Variants in HS3ST4 observed in about 807,000 individuals in gnomAD.
The protein encoded by HS3ST4 is heparan sulfate-glucosamine 3-sulfotransferase 4, also known as heparan sulfate glucosamine 3-O-sulfotransferase 4.
HS3ST4 carries 17 observed loss-of-function variants against 29.2 expected under a neutral mutation model. The observed-to-expected ratio is 0.58, with a 90% CI of 0.40 to 0.87. HS3ST4 has a LOEUF of 0.87. HS3ST4 is among the 40% of genes least tolerant of loss of function. The pLI is 0.00. For synonymous variants in HS3ST4, 314 were observed against 285.7 expected, an observed-to-expected ratio of 1.10 and a Z score of -1.00; for missense variants, 627 against 634.5, an observed-to-expected ratio of 0.99 and a Z score of 0.13.
At chr16:25,730,610 T>A (rs1307745581) in intron 1 of HS3ST4, among the ~76,000 whole-genome samples, 2 of 136,166 alleles carry the variant, frequency 1.5e-5, no homozygotes, top group Non-Finnish European at 3.1e-5. Context: ...CCTTCTTTCC[T>A]TCTCTTTTCC....
At chr16:25,733,523 G>A (rs1966586501) in intron 1 of HS3ST4, among the ~76,000 whole-genome samples, 1 of 152,144 alleles carries the variant, frequency 6.6e-6, no homozygotes, top group Non-Finnish European at 1.5e-5. Flanking sequence ...CAGAAGGAAG[G>A]AACATGAGAG....
Position 25,783,359 on chromosome 16 carries a change from A to G in HS3ST4, c.734+90208A>G, listed in dbSNP as rs567452220. ...CTCTAGTTTTTGCAGTTAGAACCAC[A>G]GGGGTTTAACTTCCCTGCCCTCTGT... On this transcript the variant is annotated intron_variant, in intron 1 of 1. Coordinates refer to ENST00000331351, the MANE Select transcript of HS3ST4 (RefSeq NM_006040.3). Among the ~76,000 whole-genome samples, 26 of 152,328 alleles carry G rather than the reference A, an allele frequency of 1.7e-4. No homozygotes were observed. The East Asian group carries it at 4.8e-3, about 28-fold the overall frequency.
intron 1 of HS3ST4, among the ~76,000 whole-genome samples, chr16:25,939,664 G>A (rs1362499495): frequency 6.6e-6 from 1 of 152,084 alleles, no homozygotes; most frequent in South Asian, 2.1e-4. Context: ...TAAACATCCT[G>A]TTTGTCAGCT....
intron 1 of HS3ST4, among the ~76,000 whole-genome samples, chr16:26,010,396 G>A (rs1159502831): frequency 1.3e-5 from 2 of 151,946 alleles, no homozygotes; most frequent in Admixed American, 6.6e-5. Flanking sequence ...AGAGGTTACG[G>A]TGAGCCGAGA....
intron 1 of HS3ST4, among the ~76,000 whole-genome samples, chr16:25,875,516 C>T: frequency 6.6e-6 from 1 of 152,114 alleles, no homozygotes; most frequent in East Asian, 1.9e-4. Context: ...CTAGCAATCC[C>T]TGGTCCATCA....
chr16:25,955,122 G>A lies in HS3ST4; in HGVS notation c.735-180490G>A, dbSNP rs181744471. Reference sequence around the variant, plus strand: ...GGAACAAGGTATTTCGGTAAACTCTGCTACATCCCTCCCTTGTCATTCAAA... The same window carrying A: ...GGAACAAGGTATTTCGGTAAACTCTACTACATCCCTCCCTTGTCATTCAAA... On this transcript the variant is annotated intron_variant, in intron 1 of 1. Transcript: ENST00000331351. Among the ~76,000 whole-genome samples, 26 of 152,228 alleles carry A rather than the reference G, an allele frequency of 1.7e-4. No homozygotes were observed. In the Middle Eastern group the frequency reaches 0.01, roughly 60 times the overall value.
intron 1 of HS3ST4, among the ~76,000 whole-genome samples, chr16:26,018,605 G>A (rs1242129358): frequency 3.9e-5 from 6 of 151,976 alleles, no homozygotes; most frequent in Non-Finnish European, 8.8e-5. Context: ...ATTTTTCCAG[G>A]TCAACAGAGT....
chr16:25,930,922 A>AAAAACAAAAAC (rs202229326), intron 1 of HS3ST4, among the ~76,000 whole-genome samples: 14 of 148,114 alleles, frequency 9.5e-5, no homozygotes, highest in African/African-American at 3.2e-4. Context: ...AAACAAAAAC[A>AAAAACAAAAAC]AAAAAAAAAC....
chr16:25,886,497 C>A (rs535905348), intron 1 of HS3ST4, among the ~76,000 whole-genome samples: 1 of 152,272 alleles, frequency 6.6e-6, no homozygotes, highest in Admixed American at 6.5e-5. Flanking sequence ...TATCATCAGT[C>A]CTGGCTTGAT....
intron 1 of HS3ST4, among the ~76,000 whole-genome samples, chr16:25,908,622 C>T (rs1463099012): frequency 1.3e-5 from 2 of 152,174 alleles, no homozygotes; most frequent in Non-Finnish European, 2.9e-5. Flanking sequence ...CAGGAATGAG[C>T]CAGGATGAGG....
intron 1 of HS3ST4, among the ~76,000 whole-genome samples, chr16:26,050,362 C>G (rs1346650948): frequency 1.3e-5 from 2 of 152,028 alleles, no homozygotes; most frequent in African/African-American, 2.4e-5. Context: ...TCCTCATACC[C>G]TGAAATCATC....
chr16:25,768,028 G>A (rs1047885720), intron 1 of HS3ST4, among the ~76,000 whole-genome samples: 1 of 152,148 alleles, frequency 6.6e-6, no homozygotes, highest in Non-Finnish European at 1.5e-5. Context: ...TAAAGCTTGA[G>A]CTTCCCATTT....
chr16:25,993,006 A>G (rs559921781), intron 1 of HS3ST4, among the ~76,000 whole-genome samples: 48 of 152,210 alleles, frequency 3.2e-4, no homozygotes, highest in Admixed American at 4.6e-4. Context: ...TTCATAGTGG[A>G]CTGCCACCAT....
Position 25,743,068 on chromosome 16 carries a change from G to A in HS3ST4, c.734+49917G>A, listed in dbSNP as rs1000009702. The stretch of plus-strand genomic sequence containing the variant: ...AGAAGTAAGTCCACGATACCCAGTT[G>A]CAACCTCAACATTCCAGAGAGTTAG... On this transcript the variant is annotated intron_variant, in intron 1 of 1. Transcript: ENST00000331351. Among the ~76,000 whole-genome samples the A allele has an allele frequency of 2.6e-5, 4 of 152,196 alleles. No individual in the cohort carries two copies. In the East Asian group the frequency reaches 7.7e-4, roughly 29 times the overall value.
chr16:26,047,787 G>A (rs532123688), intron 1 of HS3ST4, among the ~76,000 whole-genome samples: 1 of 152,294 alleles, frequency 6.6e-6, no homozygotes, highest in African/African-American at 2.4e-5. Context: ...ACTGGACCTT[G>A]GACTCAAGAA....
rs148296031 is a variant in HS3ST4 at position 26,079,512 on chromosome 16, T to C, written c.735-56100T>C. Among the ~76,000 whole-genome samples the C allele has an allele frequency of 1.6e-3, 239 of 152,346 alleles. 1 individual carries two copies. The highest frequency in any genetic ancestry group is 5.5e-3 in the African/African-American group (227 of 41,572). On this transcript the variant is annotated intron_variant, in intron 1 of 1. Coordinates refer to ENST00000331351, the MANE Select transcript of HS3ST4 (RefSeq NM_006040.3). ...GCAAACATTGATTGCATCCTTACTATTTATCAGGCACTTTGTATGCATTAT... is the reference window on the plus strand; with the variant it reads ...GCAAACATTGATTGCATCCTTACTACTTATCAGGCACTTTGTATGCATTAT...
chr16:26,066,153 C>T (rs1898539589), intron 1 of HS3ST4, among the ~76,000 whole-genome samples: 1 of 152,156 alleles, frequency 6.6e-6, no homozygotes. Context: ...CAATAGGAGA[C>T]TTGCTTTGTA....
At chr16:25,794,479 G>A (rs554719037) in intron 1 of HS3ST4, among the ~76,000 whole-genome samples, 7 of 150,690 alleles carry the variant, frequency 4.6e-5, no homozygotes, top group African/African-American at 9.7e-5. Context: ...TTTTTCACTA[G>A]CGAAAAATGT....
At chr16:25,935,715 C>T (rs1406698597) in intron 1 of HS3ST4, among the ~76,000 whole-genome samples, 1 of 152,118 alleles carries the variant, frequency 6.6e-6, no homozygotes, top group East Asian at 1.9e-4. Flanking sequence ...TATCCATTCA[C>T]CTGCTAAATG....
Sources: allele counts gnomAD v4.1 joint callset (sites outside exome capture counted in the v4.1 genomes callset), GRCh38; gene constraint gnomAD v4.1.1; transcripts MANE v1.5; gene names NCBI Gene and HGNC (gene_info 2026-07-23, HGNC 2026-07-21).